Variants in TMEM161B observed in about 807,000 individuals in gnomAD.
TMEM161B encodes transmembrane protein 161B.
A neutral mutation model predicts 61.8 loss-of-function variants in TMEM161B; 34 were observed. The ratio of observed to expected loss-of-function variants is 0.55; its 90% CI spans 0.42 to 0.73. TMEM161B has a LOEUF of 0.73. TMEM161B is among the 30% of genes least tolerant of loss of function. TMEM161B has a pLI of 0.00. For synonymous variants in TMEM161B, 167 were observed against 192.8 expected, an observed-to-expected ratio of 0.87 and a Z score of 1.11; for missense variants, 456 against 558.5, an observed-to-expected ratio of 0.82 and a Z score of 1.85.
chr5:88,237,522 C>T (rs1397989575), intron 2 of TMEM161B, among the ~76,000 whole-genome samples: 1 of 152,064 alleles, frequency 6.6e-6, no homozygotes, highest in Non-Finnish European at 1.5e-5. Context: ...CATTTTGACC[C>T]TGCTTCCTGT....
intron 4 of TMEM161B, chr5:88,221,625 A>C: frequency 2.2e-6 from 1 of 449,460 alleles, no homozygotes. Flanking sequence ...CATTCTTAAG[A>C]GTTTACATTG....
At chr5:88,213,364 G>GAA (rs1176919634) in intron 5 of TMEM161B, among the ~76,000 whole-genome samples, 1 of 151,852 alleles carries the variant, frequency 6.6e-6, no homozygotes, top group Non-Finnish European at 1.5e-5. Flanking sequence ...TACTTTCTTA[G>GAA]ATATGCAGTT....
chr5:88,196,645 T>C (rs190075866), intron 11 of TMEM161B, among the ~76,000 whole-genome samples, 157 bp from the exon 12 acceptor site: 1 of 152,126 alleles, frequency 6.6e-6, no homozygotes, highest in East Asian at 1.9e-4. Context: ...TCCTTCTAGA[T>C]CTGTAAAAAA....
At chr5:88,204,703 G>C (rs1027075582) in intron 8 of TMEM161B, among the ~76,000 whole-genome samples, 1 of 151,912 alleles carries the variant, frequency 6.6e-6, no homozygotes, top group Non-Finnish European at 1.5e-5. Flanking sequence ...TTAGGGAGAC[G>C]GGTGGTGGGA....
intron 1 of TMEM161B, among the ~76,000 whole-genome samples, chr5:88,267,276 T>C (rs1756512260): frequency 6.6e-6 from 1 of 152,112 alleles, no homozygotes; most frequent in Non-Finnish European, 1.5e-5. Context: ...GTTTTCCCTA[T>C]CCTTGTCTAA....
chr5:88,185,909 C>T (rs1009322963), downstream of TMEM161B, among the ~76,000 whole-genome samples: 1 of 152,156 alleles, frequency 6.6e-6, no homozygotes, highest in Non-Finnish European at 1.5e-5. Context: ...ACAAATACAG[C>T]TGAATAATCA....
At chr5:88,188,843 C>G (rs982538380), downstream of TMEM161B, among the ~76,000 whole-genome samples, 3 of 152,126 alleles carry the variant, frequency 2.0e-5, no homozygotes, top group Non-Finnish European at 2.9e-5. Context: ...GGTGGTTAAT[C>G]TTTTAACCTC....
intron 7 of TMEM161B, 91 bp downstream of exon 7, chr5:88,206,348 C>T (rs1745461965): frequency 9.3e-7 from 1 of 1,077,128 alleles, no homozygotes; most frequent in Admixed American, 2.8e-5. Flanking sequence ...AAACTCTTTA[C>T]TAATTTAAAA....
chr5:88,195,702 T>A lies in TMEM161B; in HGVS notation c.*509A>T, dbSNP rs186678448. The A allele has an allele frequency of 1.4e-3, 1,392 of 985,846 alleles. 1 individual carries two copies. The highest frequency in any genetic ancestry group is 1.7e-3 in the Admixed American group (28 of 16,294). 61.1% of individuals were successfully genotyped at this position (985,846 alleles called of 1,614,324 possible). ...TTTCTTTACTGTAATATACAGTAGCTATCTCTTCCTTTCTGTTGGATTTTA... is the reference window on the plus strand; with the variant it reads ...TTTCTTTACTGTAATATACAGTAGCAATCTCTTCCTTTCTGTTGGATTTTA... On this transcript the variant is annotated 3_prime_UTR_variant, in exon 12 of 12. Coordinates refer to ENST00000296595, the MANE Select transcript of TMEM161B (RefSeq NM_153354.5).
chr5:88,197,095 T>C (rs768517355), intron 11 of TMEM161B, among the ~76,000 whole-genome samples: 1 of 152,090 alleles, frequency 6.6e-6, no homozygotes, highest in Non-Finnish European at 1.5e-5. Context: ...TTTAGTTCTT[T>C]CAGGTTTCTT....
At chr5:88,267,866 C>A (rs1756609087) in intron 1 of TMEM161B, among the ~76,000 whole-genome samples, 1 of 152,134 alleles carries the variant, frequency 6.6e-6, no homozygotes, top group South Asian at 2.1e-4. Flanking sequence ...TACTTATTAA[C>A]CAAACTTTAA....
At chr5:88,261,668 G>GAGAA (rs1755694933) in intron 1 of TMEM161B, among the ~76,000 whole-genome samples, 1 of 82,926 alleles carries the variant, frequency 1.2e-5, no homozygotes, top group Non-Finnish European at 2.4e-5. Flanking sequence ...CAATACAATG[G>GAGAA]AGAAAAAAAA....
downstream of TMEM161B, among the ~76,000 whole-genome samples, chr5:88,192,276 C>T (rs1303037250): frequency 1.3e-5 from 2 of 151,674 alleles, no homozygotes; most frequent in Non-Finnish European, 2.9e-5. Context: ...TGGAAAAATA[C>T]ACACTCTGAT....
At chr5:88,235,729 T>C (rs1021510893) in intron 2 of TMEM161B, among the ~76,000 whole-genome samples, 3 of 152,200 alleles carry the variant, frequency 2.0e-5, no homozygotes, top group Non-Finnish European at 4.4e-5. Context: ...AGCCCTAACC[T>C]ACTAAAACAG....
At chr5:88,206,984 C>A (rs112793241) in intron 6 of TMEM161B, 45 bp downstream of exon 6, 2 of 1,574,710 alleles carry the variant, frequency 1.3e-6, no homozygotes, top group Admixed American at 1.7e-5. Context: ...AATATTAACA[C>A]TAGATAAAGC....
At position 88,223,131 on chromosome 5, in the gene TMEM161B, A is replaced by ATT. The variant is rs34109832; in HGVS notation, c.290-2414_290-2413dup. ...GCTAAAGCTACAATACCCTAAATTC[A>ATT]TTTTTTTTTTTTAGTTCGTTGAAAT... On this transcript the variant is annotated intron_variant, in intron 4 of 11. Coordinates refer to ENST00000296595, the MANE Select transcript of TMEM161B (RefSeq NM_153354.5). Among the ~76,000 whole-genome samples the ATT allele has an allele frequency of 8.4e-3, 1,235 of 146,164 alleles. 10 individuals carry two copies. The highest frequency in any genetic ancestry group is 0.028 in the African/African-American group (1,129 of 39,998).
chr5:88,213,197 T>C (rs1414622545), intron 5 of TMEM161B, among the ~76,000 whole-genome samples: 5 of 152,120 alleles, frequency 3.3e-5, no homozygotes, highest in Non-Finnish European at 5.9e-5. Flanking sequence ...CTAGAAACTG[T>C]ACCAAGAACT....
chr5:88,224,690 A>G (rs1749657208), intron 4 of TMEM161B, among the ~76,000 whole-genome samples: 1 of 152,166 alleles, frequency 6.6e-6, no homozygotes, highest in African/African-American at 2.4e-5. Flanking sequence ...TCCTTGAACA[A>G]TACAGTTTGA....
At chr5:88,220,997 A>T (rs1561354057) in intron 4 of TMEM161B, among the ~76,000 whole-genome samples, 1 of 152,184 alleles carries the variant, frequency 6.6e-6, no homozygotes. Flanking sequence ...ATGATTGCAA[A>T]TTTACTGGTA....
Sources: gnomAD v4.1 joint callset for allele counts (sites outside exome capture counted in the v4.1 genomes callset) on GRCh38, gnomAD v4.1.1 for gene constraint, MANE v1.5 for transcripts, NCBI Gene and HGNC (gene_info 2026-07-23, HGNC 2026-07-21) for gene names.